Variants in ERI3 observed in about 807,000 individuals in gnomAD.
ERI3 encodes ERI1 exoribonuclease family member 3.
Under a neutral mutation model 44.4 loss-of-function variants are expected in ERI3, and 18 were observed. That is an observed-to-expected ratio of 0.41 (90% confidence interval 0.28 to 0.60). The LOEUF is 0.60. ERI3 is among the 20% of genes least tolerant of loss of function. The pLI, the probability that ERI3 is intolerant of heterozygous loss-of-function variation, is 0.36. For missense variants in ERI3, 294 were observed against 435.5 expected, an observed-to-expected ratio of 0.68 and a Z score of 2.89; for synonymous variants, 183 against 164.8, an observed-to-expected ratio of 1.11 and a Z score of -0.84.
At chr1:44,289,597 A>G (rs1645462093) in intron 6 of ERI3, among the ~76,000 whole-genome samples, 1 of 152,248 alleles carries the variant, frequency 6.6e-6, no homozygotes, top group African/African-American at 2.4e-5. Context: ...CCTCACCCCT[A>G]TAAGCACACA....
At chr1:44,354,688 C>T (rs1429455910) in intron 1 of ERI3, 2 of 985,300 alleles carry the variant, frequency 2.0e-6, no homozygotes, top group Non-Finnish European at 2.4e-6. Flanking sequence ...GTAAGTCAAC[C>T]CCCTTAATAA....
At chr1:44,232,001 A>T (rs1152030) in intron 8 of ERI3, among the ~76,000 whole-genome samples, 4,119 of 152,326 alleles carry the variant, frequency 0.027, 83 homozygotes, top group African/African-American at 0.057. Flanking sequence ...ACCATGCTGA[A>T]GATGAAAGAA....
At chr1:44,303,430 T>C (rs1449376108) in intron 6 of ERI3, among the ~76,000 whole-genome samples, 1 of 152,248 alleles carries the variant, frequency 6.6e-6, no homozygotes, top group Admixed American at 6.5e-5. Context: ...ACTCCATTAC[T>C]TAGTTGTCAC....
At chr1:44,353,428 A>T in intron 1 of ERI3, 7 of 985,462 alleles carry the variant, frequency 7.1e-6, no homozygotes, top group Non-Finnish European at 8.4e-6. Flanking sequence ...AAGTCAAAAC[A>T]TCAATAGATA....
At chr1:44,249,371 A>G (rs1403820887) in intron 7 of ERI3, among the ~76,000 whole-genome samples, 1 of 152,166 alleles carries the variant, frequency 6.6e-6, no homozygotes, top group African/African-American at 2.4e-5. Context: ...CCATCCCACT[A>G]ACACACAGGG....
chr1:44,355,105 G>C lies in ERI3; in HGVS notation c.-79C>G. The C allele has an allele frequency of 1.6e-6, 2 of 1,248,576 alleles. No homozygotes were observed. The highest frequency in any genetic ancestry group is 2.0e-6 in the Non-Finnish European group (2 of 990,358). 77.3% of individuals were successfully genotyped at this position (1,248,576 alleles called of 1,614,324 possible). ...CCGACGTCTCCCTCGGCCTCAGCAA[G>C]CGCTCAGGGCAGTTGGCGGCGGCGG... On this transcript the variant is annotated 5_prime_UTR_variant, in exon 1 of 9. Coordinates refer to ENST00000372257, the MANE Select transcript of ERI3 (RefSeq NM_024066.3).
intron 2 of ERI3, among the ~76,000 whole-genome samples, chr1:44,341,833 T>C (rs1572334081): frequency 6.6e-6 from 1 of 152,138 alleles, no homozygotes; most frequent in Admixed American, 6.6e-5. Context: ...GAGGCTACAG[T>C]GAGCTGTGAT....
rs10157123 is a variant in ERI3 at position 44,255,034 on chromosome 1, T to C, written c.832-6996A>G. Among the ~76,000 whole-genome samples the C allele has an allele frequency of 5.5e-3, 831 of 152,286 alleles. 7 individuals are homozygous for C. Among genetic ancestry groups the C allele is most frequent in the African/African-American group, 0.019 (785 of 41,568 alleles). ...TTTCCTCTTTGTAAAATGGGGGTTA[T>C]AATAGTTTCTACCCCATAGAATTGA... On this transcript the variant is annotated intron_variant, in intron 7 of 8. Coordinates refer to ENST00000372257, the MANE Select transcript of ERI3 (RefSeq NM_024066.3).
At chr1:44,271,886 C>T (rs746627299) in intron 7 of ERI3, among the ~76,000 whole-genome samples, 9 of 152,172 alleles carry the variant, frequency 5.9e-5, no homozygotes, top group Non-Finnish European at 8.8e-5. Flanking sequence ...GACTCTGTCC[C>T]GCAGTGTGAG....
chr1:44,272,612 C>T (rs761302289), intron 7 of ERI3, among the ~76,000 whole-genome samples: 73 of 151,968 alleles, frequency 4.8e-4, no homozygotes, highest in Non-Finnish European at 6.9e-4. Flanking sequence ...GAGGTTGAGG[C>T]GGGTGGATCA....
chr1:44,353,422 CA>C (rs1190418762), intron 1 of ERI3: 2 of 985,316 alleles, frequency 2.0e-6, no homozygotes, highest in African/African-American at 3.5e-5. Context: ...AATCCCAAGT[CA>C]AAACATCAAT....
At chr1:44,256,166 A>G (rs1421817504) in intron 7 of ERI3, among the ~76,000 whole-genome samples, 1 of 152,216 alleles carries the variant, frequency 6.6e-6, no homozygotes, top group Non-Finnish European at 1.5e-5. Flanking sequence ...CTCTTTGGGT[A>G]TAATTCTACC....
At position 44,252,955 on chromosome 1, in the gene ERI3, A is replaced by AGGC. The variant is rs1217146571; in HGVS notation, c.832-4920_832-4918dup. On this transcript the variant is annotated intron_variant, in intron 7 of 8. Transcript: ENST00000372257. This position sits in a 1 kb window ranked among gnomAD's most constrained non-coding sequence, Gnocchi z 4.7. ...ATCCCACCTAGAGGTGAGGAGGAGC[A>AGGC]GGCCTTTAACCATACCTCTGGATGA... Among the ~76,000 whole-genome samples, 1 of 152,222 alleles carries AGGC rather than the reference A, an allele frequency of 6.6e-6. No individual in the cohort carries two copies. The highest frequency in any genetic ancestry group is 1.5e-5 in the Non-Finnish European group (1 of 68,034).
chr1:44,244,619 T>C (rs1340092573), intron 8 of ERI3, among the ~76,000 whole-genome samples: 1 of 152,104 alleles, frequency 6.6e-6, no homozygotes, highest in Admixed American at 6.6e-5. Flanking sequence ...GCACTCTTGC[T>C]TACCTTGCTG....
chr1:44,243,222 A>G (rs1004503432), intron 8 of ERI3, among the ~76,000 whole-genome samples: 1 of 152,134 alleles, frequency 6.6e-6, no homozygotes, highest in African/African-American at 2.4e-5. Context: ...GTTTCTGGCC[A>G]TGCCACCTGT....
intron 7 of ERI3, among the ~76,000 whole-genome samples, chr1:44,263,558 C>G (rs529999681): frequency 3.2e-4 from 48 of 152,180 alleles, no homozygotes; most frequent in Non-Finnish European, 6.5e-4. Flanking sequence ...GGCAGCAGGC[C>G]CAGACACCCT....
chr1:44,328,201 G>A (rs1367083185), intron 3 of ERI3, among the ~76,000 whole-genome samples: 1 of 151,750 alleles, frequency 6.6e-6, no homozygotes, highest in African/African-American at 2.4e-5. Flanking sequence ...TAGTAAGCAA[G>A]CAATACACAA....
chr1:44,248,424 C>T (rs1644599954), intron 7 of ERI3, among the ~76,000 whole-genome samples: 2 of 152,172 alleles, frequency 1.3e-5, no homozygotes, highest in South Asian at 4.1e-4. Context: ...GCTGGGCCTC[C>T]TCCTCACAGT....
rs866207889 is a variant in ERI3 at position 44,221,890 on chromosome 1, C to T, written c.932-250G>A. Among the ~76,000 whole-genome samples the T allele has an allele frequency of 1.3e-5, 2 of 152,198 alleles. No homozygotes were observed. The highest frequency in any genetic ancestry group is 2.4e-5 in the African/African-American group (1 of 41,454). ...ATGCTGGAAATTGGCCGGCATGTCCCGCCCCAGCCCCAGCGGTGATGTATG... is the reference window on the plus strand; with the variant it reads ...ATGCTGGAAATTGGCCGGCATGTCCTGCCCCAGCCCCAGCGGTGATGTATG... On this transcript the variant is annotated intron_variant, in intron 8 of 8. Coordinates refer to ENST00000372257, the MANE Select transcript of ERI3 (RefSeq NM_024066.3). This position sits in a 1 kb window ranked among gnomAD's most constrained non-coding sequence, Gnocchi z 5.9.
Sources: allele counts gnomAD v4.1 joint callset (sites outside exome capture counted in the v4.1 genomes callset), GRCh38; gene constraint gnomAD v4.1.1; non-coding constraint Gnocchi (gnomAD v3.1); transcripts MANE v1.5; gene names NCBI Gene and HGNC (gene_info 2026-07-23, HGNC 2026-07-21).